The following HEATR5B variants were observed in gnomAD, a reference collection of about 807,000 sequenced individuals.
The protein encoded by HEATR5B is HEAT repeat containing 5B.
A neutral mutation model predicts 224.1 loss-of-function variants in HEATR5B; 156 were observed. The ratio of observed to expected loss-of-function variants is 0.70; its 90% CI spans 0.61 to 0.80. The LOEUF (loss-of-function observed/expected upper bound fraction) is 0.80, where lower values mean the gene tolerates loss of function less well. Ranked by LOEUF, HEATR5B falls within the 30% of genes least tolerant of loss-of-function variation. HEATR5B has a pLI of 0.00. For missense variants in HEATR5B, 2,323 were observed against 2,535.5 expected (o/e 0.92, Z 1.80); for synonymous variants, 1,027 against 893.0 (o/e 1.15, Z -2.68).
intron 2 of HEATR5B, among the ~76,000 whole-genome samples, chr2:37,080,883 C>T (rs1361191632): frequency 2.0e-5 from 3 of 151,912 alleles, no homozygotes; most frequent in Non-Finnish European, 4.4e-5. Flanking sequence ...TGGGAAGCCA[C>T]GAACAGGAAG....
rs369307447 is a variant in HEATR5B, at chr2:37,060,482, T to A, written c.1849+99A>T. The A allele has an allele frequency of 4.2e-6, 4 of 942,108 alleles. No individual in the cohort carries two copies. In the East Asian group the frequency reaches 1.1e-4, roughly 27 times the overall value. 58.4% of individuals were successfully genotyped at this position (942,108 alleles called of 1,614,324 possible). ...AAAAGCCTATGAATTTATCATTACC[T>A]AGTAAAATAAAAAACTATAAAATAG... On this transcript the variant is annotated intron_variant, in intron 12 of 35. Transcript: ENST00000233099.
chr2:36,995,586 T>C (rs549652586), intron 33 of HEATR5B, among the ~76,000 whole-genome samples: 12 of 152,256 alleles, frequency 7.9e-5, no homozygotes, highest in East Asian at 3.9e-4. Context: ...TTGTTTAAAA[T>C]AGAAAAAGAG....
At chr2:37,025,270 C>T (rs148092397) in intron 24 of HEATR5B, among the ~76,000 whole-genome samples, 1 of 152,014 alleles carries the variant, frequency 6.6e-6, no homozygotes, top group African/African-American at 2.4e-5. Context: ...ATGGGAAATA[C>T]ATGAACAACA....
intron 10 of HEATR5B, among the ~76,000 whole-genome samples, chr2:37,063,537 G>A (rs116437008): frequency 0.01 from 1,556 of 152,196 alleles, 28 homozygotes; most frequent in African/African-American, 0.035. Flanking sequence ...GGGACGTGTG[G>A]GGAAGATGGA....
At chr2:36,997,762 T>G (rs574765037) in intron 33 of HEATR5B, among the ~76,000 whole-genome samples, 8 of 151,994 alleles carry the variant, frequency 5.3e-5, no homozygotes, top group Non-Finnish European at 1.0e-4. Flanking sequence ...GAGACGGGGT[T>G]TCCCTGTGTT....
At chr2:37,049,551 C>T in intron 18 of HEATR5B, 102 bp downstream of exon 18, 1 of 999,724 alleles carries the variant, frequency 1.0e-6, no homozygotes, top group East Asian at 2.6e-5. Context: ...AAAATATTAT[C>T]ACATGCTGTA....
chr2:37,074,959 G>A (rs1457628912), intron 5 of HEATR5B, among the ~76,000 whole-genome samples: 1 of 152,226 alleles, frequency 6.6e-6, no homozygotes, highest in Non-Finnish European at 1.5e-5. Context: ...CTCATACACT[G>A]CTAGTAGAAA....
Position 37,002,556 on chromosome 2 carries a change from T to G in HEATR5B, c.5067A>C (p.Glu1689Asp), listed in dbSNP as rs762502451. The change falls in exon 32 of 36, where the codon GAA (glutamate) becomes GAC (aspartate). Residue 1689 changes from glutamate (E) to aspartate (D), a missense_variant. Physicochemically the swap from Glu to Asp is conservative, Grantham distance 45. This residue lies in a region of HEATR5B where 844 missense variants were observed against 812.9 expected (regional missense o/e 1.04). Transcript: ENST00000233099. ...KRNTLNEDDM[E>D]KEACTVLGEG... ...CTCCCAATACGGTACAGGCCTCTTT[T>G]TCCATATCATCTTCATCTGAGGTAA... is the stretch of plus-strand genomic sequence containing the variant. 1.9e-6 allele frequency: 3 copies of G among 1,613,770 alleles called. No individual in the cohort carries two copies. Among genetic ancestry groups the G allele is most frequent in the South Asian group, 2.2e-5 (2 of 91,054 alleles).
intron 8 of HEATR5B, 104 bp from the exon 9 acceptor site, chr2:37,066,014 G>C: frequency 1.0e-6 from 1 of 958,686 alleles, no homozygotes. Context: ...TGATGTCCGA[G>C]TGTTAAAAAC....
Position 37,008,601 on chromosome 2 carries a change from T to A in HEATR5B, c.4522+10A>T, listed in dbSNP as rs764598304. 1.3e-6 allele frequency: 2 copies of A among 1,575,412 alleles called. No individual in the cohort carries two copies. Among genetic ancestry groups the A allele is most frequent in the Non-Finnish European group, 1.7e-6 (2 of 1,144,740 alleles). On this transcript the variant is annotated intron_variant, in intron 28 of 35. Coordinates refer to ENST00000233099, the MANE Select transcript of HEATR5B (RefSeq NM_019024.3). ...CTCCATAAAAGTAAAACTCAGAATG[T>A]AATACTCACCATCTGGAGGAAGCTG...
At chr2:37,060,312 G>A (rs932949977) in intron 12 of HEATR5B, among the ~76,000 whole-genome samples, 2 of 152,040 alleles carry the variant, frequency 1.3e-5, no homozygotes, top group African/African-American at 4.8e-5. Flanking sequence ...TGACAGGTAA[G>A]ATAGCAACAA....
At chr2:37,070,972 A>G (rs987995119) in intron 6 of HEATR5B, among the ~76,000 whole-genome samples, 1 of 152,230 alleles carries the variant, frequency 6.6e-6, no homozygotes, top group Non-Finnish European at 1.5e-5. Context: ...CCGACACAGA[A>G]CAGTTTTTAG....
intron 30 of HEATR5B, 137 bp from the exon 31 acceptor site, chr2:37,003,823 A>G (rs1433960378): frequency 2.0e-6 from 1 of 499,532 alleles, no homozygotes; most frequent in Non-Finnish European, 3.4e-6. Flanking sequence ...TACGTAACAA[A>G]TAAGAACATT....
At chr2:37,081,190 A>G (rs987202756) in intron 2 of HEATR5B, among the ~76,000 whole-genome samples, 2 of 151,988 alleles carry the variant, frequency 1.3e-5, no homozygotes, top group Non-Finnish European at 2.9e-5. Flanking sequence ...GAAAACAGAA[A>G]CGTCTAGTTG....
At chr2:36,988,911 T>C in intron 34 of HEATR5B, 52 bp from the exon 35 acceptor site, 1 of 1,355,054 alleles carries the variant, frequency 7.4e-7, no homozygotes, top group Non-Finnish European at 1.1e-6. Context: ...TCTTATTTGC[T>C]CTACAATCAC....
intron 2 of HEATR5B, among the ~76,000 whole-genome samples, chr2:37,081,416 A>T (rs1672562251): frequency 6.6e-6 from 1 of 152,228 alleles, no homozygotes; most frequent in Non-Finnish European, 1.5e-5. Context: ...AGGAACAATA[A>T]CAACAAAGCA....
chr2:37,071,308 G>A (rs1454232439), intron 6 of HEATR5B, among the ~76,000 whole-genome samples: 1 of 152,152 alleles, frequency 6.6e-6, no homozygotes, highest in African/African-American at 2.4e-5. Flanking sequence ...TAGAGGTAGG[G>A]ACAAGACTGG....
intron 12 of HEATR5B, among the ~76,000 whole-genome samples, chr2:37,059,612 C>T (rs1202744977): frequency 6.6e-6 from 1 of 151,012 alleles, no homozygotes; most frequent in Non-Finnish European, 1.5e-5. Context: ...TACAGGCAAG[C>T]ACCAGCACGC....
intron 22 of HEATR5B, among the ~76,000 whole-genome samples, chr2:37,029,358 C>T (rs950403219): frequency 6.6e-6 from 1 of 152,182 alleles, no homozygotes; most frequent in Non-Finnish European, 1.5e-5. Flanking sequence ...CCTAAGAGTT[C>T]ATTTAAAAAT....
Sources: gnomAD v4.1 joint callset for allele counts (sites outside exome capture counted in the v4.1 genomes callset) on GRCh38, gnomAD v4.1.1 for gene constraint, gnomAD v4.1.1 regional missense constraint, MANE v1.5 for transcripts, NCBI Gene and HGNC (gene_info 2026-07-23, HGNC 2026-07-21) for gene names.